TRIM24: variants seen among roughly 807,000 people sequenced by gnomAD.
TRIM24 encodes the protein tripartite motif containing 24, also known as transcription intermediary factor 1-alpha.
A neutral mutation model predicts 123.9 loss-of-function variants in TRIM24; 29 were observed. The ratio of observed to expected loss-of-function variants is 0.23; its 90% confidence interval spans 0.17 to 0.32. The LOEUF is 0.32. TRIM24 is among the 10% of genes least tolerant of loss of function. The pLI is 1.00. For missense variants in TRIM24, 932 were observed against 1,295.3 expected (o/e 0.72, Z 4.31); for synonymous variants, 456 against 461.1 (o/e 0.99, Z 0.14).
At chr7:138,500,726 T>C (rs1394968736) in intron 1 of TRIM24, among the ~76,000 whole-genome samples, 1 of 150,894 alleles carries the variant, frequency 6.6e-6, no homozygotes, top group Non-Finnish European at 1.5e-5. Context: ...AAAAAAAAAA[T>C]TATCCAGGCA....
At chr7:138,558,333 TA>T (rs1279278436) in intron 9 of TRIM24, among the ~76,000 whole-genome samples, 2 of 152,176 alleles carry the variant, frequency 1.3e-5, no homozygotes, top group African/African-American at 2.4e-5. Context: ...ACCCAGTTGG[TA>T]AAGGCCTTTC....
chr7:138,570,505 A>G (rs1171587658), intron 10 of TRIM24, among the ~76,000 whole-genome samples: 4 of 152,146 alleles, frequency 2.6e-5, no homozygotes, highest in Admixed American at 6.5e-5. Flanking sequence ...TCAACCCTCC[A>G]TCTTTACCTT....
chr7:138,487,674 C>T (rs960084106), intron 1 of TRIM24, among the ~76,000 whole-genome samples: 22 of 152,138 alleles, frequency 1.4e-4, no homozygotes, highest in African/African-American at 5.3e-4. Context: ...TTGAGCCAGC[C>T]TTGCATCCCA....
In TRIM24 at chr7:138,554,876, G is replaced by A. The variant is rs368541075; in HGVS notation, c.1440G>A (p.Gln480=). The A allele has an allele frequency of 6.2e-7, 1 of 1,614,154 alleles. No individual in the cohort carries two copies. Among genetic ancestry groups the A allele is most frequent in the African/African-American group, 1.3e-5 (1 of 75,044 alleles). ...ATATGCAGCAACAGGTAATGGCTCAGAGGCAACAGGTGCAACGGAGGCCAG... is the reference window on the plus strand; with the variant it reads ...ATATGCAGCAACAGGTAATGGCTCAAAGGCAACAGGTGCAACGGAGGCCAG... The part of the protein sequence containing the change: ...LQHMQQQVMA[Q]RQQVQRRPAP... The change falls in exon 9 of 19, where the codon CAG becomes CAA. Residue 480 remains glutamine (Q), a synonymous_variant. Transcript: ENST00000343526. This position sits in a 1 kb window ranked among gnomAD's most constrained non-coding sequence, Gnocchi z 4.5.
intron 7 of TRIM24, among the ~76,000 whole-genome samples, chr7:138,550,537 A>G (rs1401497956): frequency 6.6e-6 from 1 of 152,128 alleles, no homozygotes; most frequent in African/African-American, 2.4e-5. Context: ...TGATGACTGC[A>G]GCGTGGAGGA....
At chr7:138,467,499 G>A (rs753808061) in intron 1 of TRIM24, among the ~76,000 whole-genome samples, 14 of 152,018 alleles carry the variant, frequency 9.2e-5, no homozygotes, top group Non-Finnish European at 1.9e-4. Context: ...GCGCCACTAC[G>A]CCCAGCTGAT....
intron 1 of TRIM24, among the ~76,000 whole-genome samples, chr7:138,472,968 C>T (rs957105865): frequency 3.3e-5 from 5 of 152,082 alleles, no homozygotes; most frequent in Non-Finnish European, 7.4e-5. Context: ...CCCATTCAAT[C>T]CCTTACGATG....
At chr7:138,519,023 A>G (rs900319526) in intron 3 of TRIM24, among the ~76,000 whole-genome samples, 166 bp from the exon 4 acceptor site, 3 of 152,194 alleles carry the variant, frequency 2.0e-5, no homozygotes, top group Admixed American at 2.0e-4. Context: ...AATGCTGACA[A>G]TATGTGATAT....
At chr7:138,471,011 C>T (rs867380362) in intron 1 of TRIM24, among the ~76,000 whole-genome samples, 1 of 152,158 alleles carries the variant, frequency 6.6e-6, no homozygotes, top group Non-Finnish European at 1.5e-5. Flanking sequence ...ACTTTATAGG[C>T]TCTTATCAGT....
intron 17 of TRIM24, 128 bp downstream of exon 17, chr7:138,581,899 A>G: frequency 1.5e-6 from 1 of 669,448 alleles, no homozygotes. Context: ...TTAATAATAC[A>G]TACTGAATGC....
At chr7:138,566,282 G>T (rs1400734660) in intron 9 of TRIM24, among the ~76,000 whole-genome samples, 1 of 152,174 alleles carries the variant, frequency 6.6e-6, no homozygotes, top group East Asian at 1.9e-4. Context: ...TTGGGAGGCT[G>T]AGGTGGGCTG....
chr7:138,484,269 C>T (rs1795597958), intron 1 of TRIM24, among the ~76,000 whole-genome samples: 1 of 151,940 alleles, frequency 6.6e-6, no homozygotes, highest in Non-Finnish European at 1.5e-5. Context: ...GCCACCATGC[C>T]TGGCTAATTT....
intron 1 of TRIM24, among the ~76,000 whole-genome samples, chr7:138,485,292 T>G (rs1338512695): frequency 6.6e-6 from 1 of 152,168 alleles, no homozygotes; most frequent in Non-Finnish European, 1.5e-5. Flanking sequence ...TTAAGTACAT[T>G]CATAGTGTTC....
At chr7:138,511,515 C>T (rs1796288314) in intron 2 of TRIM24, among the ~76,000 whole-genome samples, 1 of 152,116 alleles carries the variant, frequency 6.6e-6, no homozygotes, top group Admixed American at 6.6e-5. Context: ...GTCTCGAACT[C>T]CTGACCTCAG....
At chr7:138,496,913 AG>A (rs1795920021) in intron 1 of TRIM24, among the ~76,000 whole-genome samples, 1 of 152,194 alleles carries the variant, frequency 6.6e-6, no homozygotes, top group East Asian at 1.9e-4. Flanking sequence ...CTTGTATTTC[AG>A]GAATAAACCC....
At chr7:138,476,052 A>T (rs1330347895) in intron 1 of TRIM24, among the ~76,000 whole-genome samples, 1 of 151,920 alleles carries the variant, frequency 6.6e-6, no homozygotes, top group Admixed American at 6.6e-5. Context: ...GCTTTCATTT[A>T]AAAAAAAGAA....
At chr7:138,555,783 C>T (rs553183828) in intron 9 of TRIM24, among the ~76,000 whole-genome samples, 157 of 152,136 alleles carry the variant, frequency 1.0e-3, no homozygotes, top group Middle Eastern at 3.4e-3. Flanking sequence ...TGCCCAGCCC[C>T]TAATTTTATT....
chr7:138,564,815 A>T (rs1797501382), intron 9 of TRIM24, among the ~76,000 whole-genome samples: 1 of 152,148 alleles, frequency 6.6e-6, no homozygotes, highest in Admixed American at 6.5e-5. Context: ...TCATCCCGTA[A>T]TCCCCTGCAT....
intron 7 of TRIM24, among the ~76,000 whole-genome samples, chr7:138,550,500 A>T (rs949825516): frequency 2.0e-5 from 3 of 152,132 alleles, no homozygotes; most frequent in African/African-American, 7.2e-5. Context: ...ATCTTCAAGG[A>T]TTGAGGGAGA....
Sources: allele counts gnomAD v4.1 joint callset (sites outside exome capture counted in the v4.1 genomes callset), GRCh38; gene constraint gnomAD v4.1.1; non-coding constraint Gnocchi (gnomAD v3.1); transcripts MANE v1.5; gene names NCBI Gene and HGNC (gene_info 2026-07-23, HGNC 2026-07-21).